The following SNX9 variants were observed in gnomAD, a reference collection of about 807,000 sequenced individuals.
SNX9 encodes sorting nexin 9, also known as sorting nexin-9.
In SNX9, 44 loss-of-function variants were observed where a neutral mutation model predicts 89.4. That is an observed-to-expected ratio of 0.49 (90% confidence interval 0.39 to 0.63). The LOEUF is 0.63. Ranked by LOEUF, SNX9 falls within the 30% of genes least tolerant of loss-of-function variation. The pLI is 0.00. For synonymous variants in SNX9, 236 were observed against 247.8 expected (o/e 0.95, Z 0.45); for missense variants, 578 against 736.1 (o/e 0.79, Z 2.49).
At chr6:157,867,924 G>A (rs575305357) in intron 2 of SNX9, among the ~76,000 whole-genome samples, 1 of 152,246 alleles carries the variant, frequency 6.6e-6, no homozygotes, top group Admixed American at 6.5e-5. Flanking sequence ...TCTTCGATAT[G>A]TTTATCTTAC....
At chr6:157,852,049 CT>C (rs1781925191) in intron 1 of SNX9, among the ~76,000 whole-genome samples, 1 of 152,158 alleles carries the variant, frequency 6.6e-6, no homozygotes, top group South Asian at 2.1e-4. Context: ...TTGCTGCCAC[CT>C]TTTGGCTATT....
At chr6:157,940,840 A>T (rs2115224507) in intron 16 of SNX9, 43 bp from the exon 17 acceptor site, 1 of 1,577,878 alleles carries the variant, frequency 6.3e-7, no homozygotes, top group Non-Finnish European at 8.7e-7. Context: ...TGTCATTTGA[A>T]AACTTGAGGG....
At chr6:157,926,395 T>C (rs545907674) in intron 10 of SNX9, among the ~76,000 whole-genome samples, 11 of 152,306 alleles carry the variant, frequency 7.2e-5, no homozygotes, top group African/African-American at 2.6e-4. Context: ...TTTAAAAAAA[T>C]AGCTCATAAT....
chr6:157,922,147 G>A (rs1209829661), intron 10 of SNX9, among the ~76,000 whole-genome samples: 3 of 152,164 alleles, frequency 2.0e-5, no homozygotes, highest in Non-Finnish European at 2.9e-5. Context: ...GTCAGTGCTG[G>A]CCTCTCTCTC....
At chr6:157,827,726 G>A (rs1208924431) in intron 1 of SNX9, among the ~76,000 whole-genome samples, 1 of 150,552 alleles carries the variant, frequency 6.6e-6, no homozygotes. Context: ...AATTGTTAGT[G>A]GAGGTTAATC....
intron 9 of SNX9, among the ~76,000 whole-genome samples, chr6:157,911,341 G>A (rs994583611): frequency 6.6e-6 from 1 of 152,170 alleles, no homozygotes; most frequent in Non-Finnish European, 1.5e-5. Context: ...GAAACATGGA[G>A]GGCTGAAGGA....
chr6:157,901,873 G>C, intron 5 of SNX9, 25 bp from the exon 6 acceptor site: 4 of 1,530,312 alleles, frequency 2.6e-6, no homozygotes, highest in Non-Finnish European at 3.5e-6. Context: ...TTTTTTAACT[G>C]ATGATCTTCC....
chr6:157,934,992 A>G (rs1783894753), intron 13 of SNX9, among the ~76,000 whole-genome samples: 1 of 152,028 alleles, frequency 6.6e-6, no homozygotes, highest in Admixed American at 6.5e-5. Flanking sequence ...AGCATTAGTG[A>G]AAATAATAAT....
At chr6:157,868,592 G>T (rs1019287250) in intron 2 of SNX9, among the ~76,000 whole-genome samples, 1 of 152,094 alleles carries the variant, frequency 6.6e-6, no homozygotes, top group African/African-American at 2.4e-5. Context: ...CCAAGATTCT[G>T]TTACAGTTTT....
In SNX9 at chr6:157,944,928, C is replaced by A. The variant is rs1784110786; in HGVS notation, c.*2090C>A. On this transcript the variant is annotated 3_prime_UTR_variant, in exon 18 of 18. Transcript: ENST00000392185. ...TGGAAGATTCTCCTTCAAGTGGCAA[C>A]ATGGCATATATATCCTTCTCCGGGG... 6.6e-6 allele frequency: 1 copy of A among 152,200 alleles called. No homozygotes were observed. Among genetic ancestry groups the A allele is most frequent in the Non-Finnish European group, 1.5e-5 (1 of 68,040 alleles). The allele number at this position is 152,200 out of a possible 1,614,324, so 9.4% of individuals were successfully genotyped here. A position where few individuals can be genotyped will look rare whatever the true frequency, so the allele number is the denominator to read the frequency against.
intron 4 of SNX9, among the ~76,000 whole-genome samples, chr6:157,891,965 A>G (rs901874562): frequency 6.6e-6 from 1 of 152,182 alleles, no homozygotes; most frequent in Non-Finnish European, 1.5e-5. Context: ...GAAACTCCTG[A>G]TTGAGCCACA....
At chr6:157,836,372 CTT>C (rs959834021) in intron 1 of SNX9, among the ~76,000 whole-genome samples, 5 of 152,164 alleles carry the variant, frequency 3.3e-5, no homozygotes, top group Non-Finnish European at 5.9e-5. Context: ...TTAGGACTCT[CTT>C]CTATACAGAA....
intron 1 of SNX9, among the ~76,000 whole-genome samples, chr6:157,844,600 G>GTTTTTTT (rs34836632): frequency 3.8e-5 from 5 of 131,832 alleles, no homozygotes; most frequent in South Asian, 2.6e-4. Context: ...TTTTTTTTTT[G>GTTTTTTT]TTTTTTTTTT....
intron 13 of SNX9, 122 bp from the exon 14 acceptor site, chr6:157,935,842 G>GT: frequency 4.1e-6 from 3 of 728,414 alleles, no homozygotes; most frequent in Non-Finnish European, 4.3e-6. Context: ...ATTCCCAATA[G>GT]TTTTGAAAAT....
At chr6:157,929,216 C>G (rs1203002134) in intron 12 of SNX9, among the ~76,000 whole-genome samples, 1 of 152,210 alleles carries the variant, frequency 6.6e-6, no homozygotes, top group African/African-American at 2.4e-5. Context: ...CTGCCTCCCT[C>G]CTTCTCCTTT....
chr6:157,838,317 AT>A (rs11318113), intron 1 of SNX9, among the ~76,000 whole-genome samples: 7,571 of 145,624 alleles, frequency 0.052, 247 homozygotes, highest in African/African-American at 0.095. Flanking sequence ...TCGACCAATA[AT>A]TTTTTTTTTT....
At chr6:157,854,350 T>C (rs1463794847) in intron 1 of SNX9, among the ~76,000 whole-genome samples, 3 of 152,216 alleles carry the variant, frequency 2.0e-5, no homozygotes, top group Non-Finnish European at 4.4e-5. Context: ...AGTGGGTTAG[T>C]AACCTTGCAG....
At position 157,944,317 on chromosome 6, in the gene SNX9, G is replaced by A. The variant is rs1207527454; in HGVS notation, c.*1479G>A. The A allele has an allele frequency of 6.6e-6, 1 of 152,514 alleles. No homozygotes were observed. Among genetic ancestry groups the A allele is most frequent in the Admixed American group, 6.5e-5 (1 of 15,268 alleles). The allele number at this position is 152,514 out of a possible 1,614,324, so 9.4% of individuals were successfully genotyped here. On this transcript the variant is annotated 3_prime_UTR_variant, in exon 18 of 18. Coordinates refer to ENST00000392185, the MANE Select transcript of SNX9 (RefSeq NM_016224.5). ...AGAACATCTTGTTCTTCAATATCAC[G>A]GGTTTTTGTTAATGTTTCATAAGTA...
chr6:157,843,746 A>G (rs1383351254), intron 1 of SNX9, among the ~76,000 whole-genome samples: 1 of 152,184 alleles, frequency 6.6e-6, no homozygotes, highest in Admixed American at 6.5e-5. Context: ...ATTTTGCATA[A>G]TCCATACTCA....
Sources: gnomAD v4.1 joint callset for allele counts (sites outside exome capture counted in the v4.1 genomes callset) on GRCh38, gnomAD v4.1.1 for gene constraint, MANE v1.5 for transcripts, NCBI Gene and HGNC (gene_info 2026-07-23, HGNC 2026-07-21) for gene names.